Variants in RIMS1 observed in about 807,000 individuals in gnomAD.
RIMS1 encodes regulating synaptic membrane exocytosis 1, also known as regulating synaptic membrane exocytosis protein 1.
RIMS1 carries 83 observed loss-of-function variants against 214.1 expected under a neutral mutation model. The observed-to-expected ratio is 0.39, with a 90% CI of 0.32 to 0.47. The LOEUF (loss-of-function observed/expected upper bound fraction) is 0.47. RIMS1 is among the 20% of genes least tolerant of loss of function. The probability of loss-of-function intolerance (pLI) is 0.99; values close to 1 mark genes in which losing one functional copy is unlikely to be tolerated. For missense variants in RIMS1, 2,050 were observed against 2,161.8 expected (o/e 0.95, Z 1.03); for synonymous variants, 793 against 786.8 (o/e 1.01, Z -0.13).
chr6:72,165,749 G>T (rs2046163621), intron 4 of RIMS1, among the ~76,000 whole-genome samples: 1 of 152,042 alleles, frequency 6.6e-6, no homozygotes, highest in African/African-American at 2.4e-5. Context: ...AATGAGTAAG[G>T]AGAAAAAATG....
Position 72,250,410 on chromosome 6 carries a change from T to C in RIMS1, c.2322T>C (p.Asp774=). ...CAACAGATCTACCTGCTAGAGTAGA[T>C]GGACGTCCTCGAAATCCCTATGTAA... ...LQATDLPARV[D]GRPRNPYVKM... Residue 774 remains aspartate, a synonymous_variant, in exon 13 of 34, where the codon GAT becomes GAC. Coordinates refer to ENST00000521978, the MANE Select transcript of RIMS1 (RefSeq NM_014989.7). 1 of 1,608,860 alleles carries C rather than the reference T, an allele frequency of 6.2e-7. No homozygotes were observed. Among genetic ancestry groups the C allele is most frequent in the African/African-American group, 1.3e-5 (1 of 74,900 alleles).
intron 28 of RIMS1, among the ~76,000 whole-genome samples, chr6:72,316,219 C>A (rs1254323683): frequency 6.6e-6 from 1 of 152,166 alleles, no homozygotes; most frequent in African/African-American, 2.4e-5. Flanking sequence ...TGAGAGAGGG[C>A]AGGACTTCAG....
chr6:72,399,142 C>G, intron 33 of RIMS1, 48 bp downstream of exon 33: 1 of 1,468,698 alleles, frequency 6.8e-7, no homozygotes, highest in Non-Finnish European at 9.1e-7. Flanking sequence ...TCTGTTTTAC[C>G]CATACATCGA....
chr6:72,222,167 G>C (rs1490287257), intron 6 of RIMS1, among the ~76,000 whole-genome samples: 1 of 151,882 alleles, frequency 6.6e-6, no homozygotes, highest in Non-Finnish European at 1.5e-5. Context: ...TTAATTTTCA[G>C]ATTTAGTGTT....
intron 4 of RIMS1, among the ~76,000 whole-genome samples, chr6:72,129,828 G>T (rs1320708808): frequency 6.6e-6 from 1 of 151,952 alleles, no homozygotes; most frequent in African/African-American, 2.4e-5. Flanking sequence ...CTGACCAAAT[G>T]GTCTCGAGAA....
chr6:72,063,221 G>A (rs890278919), intron 2 of RIMS1, among the ~76,000 whole-genome samples: 8 of 152,148 alleles, frequency 5.3e-5, no homozygotes, highest in Admixed American at 2.6e-4. Flanking sequence ...AGTCATGGGA[G>A]AGGAAGTATT....
intron 26 of RIMS1, among the ~76,000 whole-genome samples, chr6:72,305,793 T>C (rs143962152): frequency 1.4e-4 from 21 of 152,264 alleles, no homozygotes; most frequent in African/African-American, 5.1e-4. Context: ...GAAGTCAACA[T>C]TATTAAAGCA....
chr6:72,330,733 G>C (rs376722414), intron 28 of RIMS1, among the ~76,000 whole-genome samples: 2 of 151,744 alleles, frequency 1.3e-5, no homozygotes, highest in Non-Finnish European at 2.9e-5. Context: ...CAAATGAAAG[G>C]TAAGAAATGG....
intron 2 of RIMS1, among the ~76,000 whole-genome samples, chr6:72,031,339 T>C (rs1172918208): frequency 6.6e-6 from 1 of 152,154 alleles, no homozygotes; most frequent in South Asian, 2.1e-4. Flanking sequence ...ACAATACTTC[T>C]GTCAGAGCCC....
At chr6:71,970,415 T>G (rs1795573462) in intron 2 of RIMS1, among the ~76,000 whole-genome samples, 1 of 152,222 alleles carries the variant, frequency 6.6e-6, no homozygotes, top group South Asian at 2.1e-4. Context: ...ATTCAAATTC[T>G]TTGAGGAATT....
At chr6:72,011,794 C>A (rs1810725920) in intron 2 of RIMS1, among the ~76,000 whole-genome samples, 1 of 152,172 alleles carries the variant, frequency 6.6e-6, no homozygotes, top group Non-Finnish European at 1.5e-5. Flanking sequence ...CATCTCTTAC[C>A]AGTTAGAATG....
At chr6:71,979,130 G>A (rs1797857878) in intron 2 of RIMS1, among the ~76,000 whole-genome samples, 1 of 151,980 alleles carries the variant, frequency 6.6e-6, no homozygotes, top group African/African-American at 2.4e-5. Flanking sequence ...CAGAGAAGAT[G>A]GTGCCCTCTT....
chr6:72,281,858 C>G (rs2090258389), intron 23 of RIMS1, among the ~76,000 whole-genome samples: 1 of 152,054 alleles, frequency 6.6e-6, no homozygotes, highest in Non-Finnish European at 1.5e-5. Flanking sequence ...CATGTATCAC[C>G]TTTTCCCATA....
intron 29 of RIMS1, among the ~76,000 whole-genome samples, chr6:72,369,745 A>G (rs1161911567): frequency 1.3e-5 from 2 of 152,248 alleles, no homozygotes; most frequent in Non-Finnish European, 2.9e-5. Flanking sequence ...TTAACTGGCA[A>G]CAGTAGCCTG....
At chr6:72,175,672 C>A (rs2047606167) in intron 4 of RIMS1, among the ~76,000 whole-genome samples, 1 of 117,836 alleles carries the variant, frequency 8.5e-6, no homozygotes, top group Non-Finnish European at 1.7e-5. Context: ...AAACTCCATT[C>A]CCCCACCAAA....
chr6:71,994,199 A>G (rs1041029484), intron 2 of RIMS1, among the ~76,000 whole-genome samples: 1 of 152,170 alleles, frequency 6.6e-6, no homozygotes, highest in African/African-American at 2.4e-5. Flanking sequence ...TATGTGGGGA[A>G]TTTAGTGTTA....
rs189947980 is a variant in RIMS1 at position 72,014,207 on chromosome 6, G to A, written c.245+45144G>A. On this transcript the variant is annotated intron_variant, in intron 2 of 33. Transcript: ENST00000521978. ...GAGAAGTGAGTGGCAAGTGAAGGGG[G>A]AAGCCCCTTATAAAACCATTAGATC... Among the ~76,000 whole-genome samples, 1,092 of 152,270 alleles carry A rather than the reference G, an allele frequency of 7.2e-3. 4 individuals carry two copies. The highest frequency in any genetic ancestry group is 8.8e-3 in the Non-Finnish European group (599 of 68,008).
At chr6:72,233,697 C>T (rs1280179424) in intron 6 of RIMS1, 76 bp from the exon 7 acceptor site, 8 of 1,056,712 alleles carry the variant, frequency 7.6e-6, no homozygotes, top group East Asian at 2.6e-5. Context: ...CTTTATAGAT[C>T]GAAGAAGTAA....
chr6:71,888,030 C>T (rs536024313), intron 1 of RIMS1, among the ~76,000 whole-genome samples: 3 of 152,266 alleles, frequency 2.0e-5, no homozygotes, highest in Admixed American at 6.5e-5. Context: ...TTCTTTAGAG[C>T]GCATCAACCC....
Sources: allele counts gnomAD v4.1 joint callset (sites outside exome capture counted in the v4.1 genomes callset), GRCh38; gene constraint gnomAD v4.1.1; transcripts MANE v1.5; gene names NCBI Gene and HGNC (gene_info 2026-07-23, HGNC 2026-07-21).